Variants in GLRX5 observed in about 807,000 individuals in gnomAD.
The protein encoded by GLRX5 is glutaredoxin-related protein 5, mitochondrial.
Under a neutral mutation model 13.8 loss-of-function variants are expected in GLRX5, and 10 were observed. The observed-to-expected ratio is 0.72, with a 90% confidence interval of 0.45 to 1.23. The LOEUF is 1.23. Ranked by LOEUF, GLRX5 falls within the 50% of genes most tolerant of loss-of-function variation. The probability of loss-of-function intolerance (pLI) is 0.00; values close to 1 mark genes in which losing one functional copy is unlikely to be tolerated. For missense variants in GLRX5, 233 were observed against 215.2 expected (o/e 1.08, Z -0.52); for synonymous variants, 98 against 101.1 (o/e 0.97, Z 0.18).
At chr14:95,537,444 T>C (rs976147235) in intron 1 of GLRX5, among the ~76,000 whole-genome samples, 1 of 152,230 alleles carries the variant, frequency 6.6e-6, no homozygotes, top group Non-Finnish European at 1.5e-5. Flanking sequence ...ATAACATACC[T>C]CTTTTATTGA....
chr14:95,542,641 A>G (rs1461420634), intron 1 of GLRX5, among the ~76,000 whole-genome samples: 1 of 152,240 alleles, frequency 6.6e-6, no homozygotes, highest in African/African-American at 2.4e-5. Flanking sequence ...TTGTTTACAT[A>G]AAAATCGATT....
At chr14:95,535,641 A>G (rs1240122124) in intron 1 of GLRX5, among the ~76,000 whole-genome samples, 1 of 152,210 alleles carries the variant, frequency 6.6e-6, no homozygotes, top group African/African-American at 2.4e-5. Flanking sequence ...AAAGTCCTAA[A>G]GGTTCACTTA....
At chr14:95,539,883 G>GTATA (rs200200501) in intron 1 of GLRX5, among the ~76,000 whole-genome samples, 15 of 108,330 alleles carry the variant, frequency 1.4e-4, no homozygotes, top group African/African-American at 5.0e-4. Context: ...TCAATAAATG[G>GTATA]TATATATATA....
chr14:95,542,803 G>A (rs767833510), intron 1 of GLRX5, among the ~76,000 whole-genome samples: 5 of 152,110 alleles, frequency 3.3e-5, no homozygotes, highest in Non-Finnish European at 4.4e-5. Flanking sequence ...GACCATCTTC[G>A]TTTTTAACAT....
At chr14:95,538,954 GGTCCCCAA>G (rs1005987173) in intron 1 of GLRX5, among the ~76,000 whole-genome samples, 9 of 152,194 alleles carry the variant, frequency 5.9e-5, no homozygotes, top group African/African-American at 2.2e-4. Flanking sequence ...TTAGGACATG[GGTCCCCAA>G]CCCCCAGGCC....
intron 1 of GLRX5, among the ~76,000 whole-genome samples, chr14:95,538,004 A>G (rs1245401199): frequency 6.6e-6 from 1 of 152,250 alleles, no homozygotes; most frequent in Non-Finnish European, 1.5e-5. Context: ...TGCTCATGGA[A>G]GCAATGTAGA....
chr14:95,539,365 A>C (rs927966906), intron 1 of GLRX5, among the ~76,000 whole-genome samples: 1 of 152,264 alleles, frequency 6.6e-6, no homozygotes, highest in African/African-American at 2.4e-5. Flanking sequence ...AGACCAGATA[A>C]ATAAACTTTA....
intron 1 of GLRX5, among the ~76,000 whole-genome samples, chr14:95,540,250 T>C (rs1184671955): frequency 6.6e-6 from 1 of 152,224 alleles, no homozygotes; most frequent in Non-Finnish European, 1.5e-5. Flanking sequence ...TTTATTTTCC[T>C]ATGCTTTTTC....
chr14:95,544,529 A>G lies in GLRX5; in HGVS notation c.*404A>G, dbSNP rs960. The G allele has an allele frequency of 0.94, 188,514 of 201,514 alleles. 88,469 individuals are homozygous for G. The highest frequency in any genetic ancestry group is 0.98 in the African/African-American group (41,787 of 42,808). The allele number at this position is 201,514 out of a possible 1,614,324, so 12.5% of individuals were successfully genotyped here. ...GCTTCTTTTGTTATGGAAAATGGTG[A>G]ACAAAAAAAGAAACTGTGATAACTG... On this transcript the variant is annotated 3_prime_UTR_variant, in exon 2 of 2. Coordinates refer to ENST00000331334, the MANE Select transcript of GLRX5 (RefSeq NM_016417.3).
intron 1 of GLRX5, among the ~76,000 whole-genome samples, chr14:95,536,038 A>G (rs1393969455): frequency 6.6e-6 from 1 of 152,086 alleles, no homozygotes; most frequent in Admixed American, 6.5e-5. Flanking sequence ...GGCTTTAGAT[A>G]CTCAAGCACA....
rs558712641 is a variant in GLRX5, at chr14:95,543,942, C to T, written c.296-5C>T. 3.9e-5 allele frequency: 62 copies of T among 1,608,766 alleles called. No homozygotes were observed. In the African/African-American group the frequency reaches 7.7e-4, roughly 20 times the overall value. On this transcript the variant is annotated splice_polypyrimidine_tract_variant and splice_region_variant and intron_variant, in intron 1 of 1. Coordinates refer to ENST00000331334, the MANE Select transcript of GLRX5 (RefSeq NM_016417.3). ...AAATAACAAATAAATGTTCTTTCTC[C>T]ATAGGCATTAAAGACTATTCCAACT... is the stretch of plus-strand genomic sequence containing the variant.
At chr14:95,540,288 G>A (rs1891452526) in intron 1 of GLRX5, among the ~76,000 whole-genome samples, 1 of 152,200 alleles carries the variant, frequency 6.6e-6, no homozygotes, top group Admixed American at 6.5e-5. Flanking sequence ...AAGCATTACT[G>A]TGAAGGGTGG....
At chr14:95,543,708 G>A (rs1357691201) in intron 1 of GLRX5, 5 of 538,672 alleles carry the variant, frequency 9.3e-6, no homozygotes, top group Non-Finnish European at 1.7e-5. Context: ...AACAGGATGA[G>A]AGGTCAGGTG....
intron 1 of GLRX5, chr14:95,543,341 T>TAAAAAA (rs3071412): frequency 1.0e-4 from 32 of 315,606 alleles, no homozygotes; most frequent in Middle Eastern, 1.1e-3. Flanking sequence ...TGTTAAAAAT[T>TAAAAAA]AAAAAAAAAA....
intron 1 of GLRX5, among the ~76,000 whole-genome samples, chr14:95,537,060 T>C (rs577086587): frequency 3.1e-4 from 47 of 152,310 alleles, no homozygotes; most frequent in African/African-American, 1.1e-3. Context: ...TTTGCAGTCT[T>C]TTGACAGAGA....
intron 1 of GLRX5, among the ~76,000 whole-genome samples, chr14:95,536,978 A>T (rs1465256297): frequency 6.6e-6 from 1 of 152,192 alleles, no homozygotes; most frequent in Non-Finnish European, 1.5e-5. Flanking sequence ...GCTCAGTTTT[A>T]TCATGTGCAA....
chr14:95,540,218 A>G (rs1040419061), intron 1 of GLRX5, among the ~76,000 whole-genome samples: 1 of 152,122 alleles, frequency 6.6e-6, no homozygotes, highest in Middle Eastern at 3.2e-3. Flanking sequence ...ACTTTAGGGT[A>G]TACTTAATCA....
intron 1 of GLRX5, among the ~76,000 whole-genome samples, chr14:95,536,343 A>ACC (rs1398604059): frequency 1.3e-5 from 2 of 152,204 alleles, no homozygotes; most frequent in Non-Finnish European, 2.9e-5. Flanking sequence ...GGAAGGCTGT[A>ACC]CCTTTTCCTT....
intron 1 of GLRX5, 104 bp from the exon 2 acceptor site, chr14:95,543,842 AG>A: frequency 2.1e-6 from 2 of 949,704 alleles, no homozygotes; most frequent in Non-Finnish European, 3.5e-6. Context: ...GAAGCCAGGG[AG>A]GGACAGTGGG....
Sources: allele counts gnomAD v4.1 joint callset (sites outside exome capture counted in the v4.1 genomes callset), GRCh38; gene constraint gnomAD v4.1.1; transcripts MANE v1.5; gene names NCBI Gene and HGNC (gene_info 2026-07-23, HGNC 2026-07-21).